Variants in CLASP1 observed in about 807,000 individuals in gnomAD.
CLASP1 encodes cytoplasmic linker associated protein 1.
A neutral mutation model predicts 192.3 loss-of-function variants in CLASP1; 38 were observed. The ratio of observed to expected loss-of-function variants is 0.20; its 90% CI spans 0.15 to 0.26. CLASP1 has a LOEUF of 0.26. CLASP1 is among the 10% of genes least tolerant of loss of function. The pLI is 1.00. For missense variants in CLASP1, 1,433 were observed against 1,932.5 expected (o/e 0.74, Z 4.85); for synonymous variants, 691 against 712.8 (o/e 0.97, Z 0.49).
chr2:121,537,171 C>T (rs1027020744), intron 2 of CLASP1, among the ~76,000 whole-genome samples: 3 of 152,102 alleles, frequency 2.0e-5, no homozygotes, highest in African/African-American at 4.8e-5. Context: ...GCAGGCAGAT[C>T]GCTTGAGCCC....
At chr2:121,431,219 T>TA (rs1198171548) in intron 19 of CLASP1, among the ~76,000 whole-genome samples, 4 of 152,028 alleles carry the variant, frequency 2.6e-5, no homozygotes, top group African/African-American at 7.2e-5. Context: ...AAGCTGGCAT[T>TA]AAAAAAATAA....
At chr2:121,579,660 C>T (rs1338549206) in intron 2 of CLASP1, among the ~76,000 whole-genome samples, 2 of 152,140 alleles carry the variant, frequency 1.3e-5, no homozygotes, top group Non-Finnish European at 2.9e-5. Context: ...TACCATTATG[C>T]ATTGAGGAAG....
chr2:121,388,584 G>C (rs1368090436), intron 30 of CLASP1, among the ~76,000 whole-genome samples: 1 of 152,198 alleles, frequency 6.6e-6, no homozygotes, highest in Non-Finnish European at 1.5e-5. Context: ...GCAAAGCAAT[G>C]AGCTGGAACA....
At chr2:121,478,932 A>C (rs1163384829) in intron 8 of CLASP1, among the ~76,000 whole-genome samples, 7 of 7,036 alleles carry the variant, frequency 9.9e-4, no homozygotes, top group African/African-American at 2.7e-3. Flanking sequence ...ACACCACACA[A>C]CACCCCCCAC....
chr2:121,413,922 A>T (rs771054097), intron 23 of CLASP1, among the ~76,000 whole-genome samples: 1 of 152,198 alleles, frequency 6.6e-6, no homozygotes, highest in Non-Finnish European at 1.5e-5. Context: ...AAATATGAAC[A>T]CTGGAGAAAC....
exon 25 of CLASP1, chr2:121,407,658 T>G (rs1363089974): frequency 6.2e-7 from 1 of 1,614,030 alleles, no homozygotes; most frequent in Non-Finnish European, 8.5e-7. Flanking sequence ...GCATCACTGT[T>G]GGCATCATCG....
At chr2:121,390,348 G>C (rs148228602) in intron 30 of CLASP1, among the ~76,000 whole-genome samples, 2 of 152,166 alleles carry the variant, frequency 1.3e-5, no homozygotes, top group Non-Finnish European at 2.9e-5. Flanking sequence ...TGTTATCTTC[G>C]TAAGAGGCAA....
chr2:121,559,748 A>G lies in CLASP1; in HGVS notation c.196-29423T>C, dbSNP rs185748102. Among the ~76,000 whole-genome samples the G allele has an allele frequency of 4.4e-3, 668 of 152,332 alleles. 1 individual carries two copies. Among genetic ancestry groups the G allele is most frequent in the Non-Finnish European group, 7.1e-3 (484 of 68,024 alleles). ...AGAGTTCCCTTTTAATACAATGAAA[A>G]TCTTCAAACACTAGACAGTGGTGAT... On this transcript the variant is annotated intron_variant, in intron 2 of 39. Transcript: ENST00000263710.
intron 23 of CLASP1, among the ~76,000 whole-genome samples, chr2:121,417,515 C>T (rs552751671): frequency 6.6e-6 from 1 of 151,822 alleles, no homozygotes; most frequent in South Asian, 2.1e-4. Flanking sequence ...ATGCTTCAGA[C>T]TGCTGTGGAA....
intron 17 of CLASP1, 89 bp downstream of exon 17, chr2:121,448,863 GT>G: frequency 7.5e-7 from 1 of 1,342,222 alleles, no homozygotes; most frequent in Admixed American, 2.2e-5. Context: ...AAGCACCCAT[GT>G]AAAAACATAG....
intron 1 of CLASP1, among the ~76,000 whole-genome samples, chr2:121,606,640 C>T (rs554432731): frequency 1.3e-5 from 2 of 152,304 alleles, no homozygotes; most frequent in South Asian, 4.1e-4. Context: ...ACACTGTTGA[C>T]CAAAGTGGCT....
intron 1 of CLASP1, among the ~76,000 whole-genome samples, chr2:121,621,117 G>A (rs1366229447): frequency 6.6e-6 from 1 of 152,004 alleles, no homozygotes; most frequent in Non-Finnish European, 1.5e-5. Flanking sequence ...CACTCGGGAG[G>A]CTAAAGTAGG....
chr2:121,592,315 C>T (rs1306052190), intron 2 of CLASP1, among the ~76,000 whole-genome samples: 4 of 152,142 alleles, frequency 2.6e-5, no homozygotes, highest in Non-Finnish European at 4.4e-5. Context: ...AGGTAGCCAT[C>T]GCTCCATTTT....
Position 121,385,513 on chromosome 2 carries a change from T to G in CLASP1, c.3374+1609A>C, listed in dbSNP as rs1345925882. ...TGACCTTGAAAAACACAATTTTTAATGACTTGAGGACCCATGGAGACTGAC... is the reference window on the plus strand; with the variant it reads ...TGACCTTGAAAAACACAATTTTTAAGGACTTGAGGACCCATGGAGACTGAC... On this transcript the variant is annotated intron_variant, in intron 32 of 39. Coordinates refer to ENST00000263710, the Ensembl canonical transcript of CLASP1. 2.6e-5 allele frequency among the ~76,000 whole-genome samples: 4 copies of G among 152,228 alleles called. No homozygotes were observed. The South Asian group carries it at 8.3e-4, about 32-fold the overall frequency.
Position 121,458,890 on chromosome 2 carries a change from C to T in CLASP1, c.1264G>A (p.Ala422Thr), listed in dbSNP as rs374728655. The T allele has an allele frequency of 3.1e-6, 5 of 1,612,438 alleles. No homozygotes were observed. The highest frequency in any genetic ancestry group is 3.3e-5 in the Admixed American group (2 of 59,824). ...ACACCAGATGTGGCCATAATTTTGG[C>T]ACTGTTTGGAATTAAATTAAAGATA... The change falls in exon 13 of 40, where the codon GCC (alanine) becomes ACC (threonine). Residue 422 changes from alanine (A) to threonine (T), a missense_variant. Around this residue, in one of 8 missense-constraint regions of CLASP1, gnomAD observed 113 missense variants for 239.5 expected, o/e 0.47. Coordinates refer to ENST00000263710, the Ensembl canonical transcript of CLASP1.
chr2:121,346,228 T>C (rs965412812), intron 39 of CLASP1, among the ~76,000 whole-genome samples: 4 of 152,224 alleles, frequency 2.6e-5, no homozygotes, highest in African/African-American at 9.6e-5. Context: ...ATGCGCTTTC[T>C]CCACAGGCAG....
rs1559371455 is a variant in CLASP1 at position 121,479,057 on chromosome 2, CA to C, written c.713-9098del. On this transcript the variant is annotated intron_variant, in intron 8 of 39. Transcript: ENST00000263710. ...CCCACACACACACACACCCCCCCCCCACACACACACACACACACCATCAACA... is the reference window on the plus strand; with the variant it reads ...CCCACACACACACACACCCCCCCCCCCACACACACACACACACCATCAACA... Among the ~76,000 whole-genome samples the C allele has an allele frequency of 2.4e-3, 198 of 82,472 alleles. 18 individuals carry two copies. Among genetic ancestry groups the C allele is most frequent in the African/African-American group, 6.4e-3 (123 of 19,078 alleles). 54.1% of individuals were successfully genotyped at this position (82,472 alleles called of 152,430 possible). A position where few individuals can be genotyped will look rare whatever the true frequency, so the allele number is the denominator to read the frequency against.
intron 30 of CLASP1, among the ~76,000 whole-genome samples, chr2:121,388,623 G>T (rs745437978): frequency 3.3e-5 from 5 of 152,210 alleles, no homozygotes; most frequent in Non-Finnish European, 1.5e-5. Flanking sequence ...CGGGCTTCTA[G>T]TAAGTGATGT....
chr2:121,428,178 A>G (rs1300775438), intron 20 of CLASP1, among the ~76,000 whole-genome samples: 1 of 152,172 alleles, frequency 6.6e-6, no homozygotes, highest in African/African-American at 2.4e-5. Context: ...CCTAATCACT[A>G]TTAGAGAAAG....
Sources: gnomAD v4.1 joint callset for allele counts (sites outside exome capture counted in the v4.1 genomes callset) on GRCh38, gnomAD v4.1.1 for gene constraint, gnomAD v4.1.1 regional missense constraint, MANE v1.5 for transcripts, NCBI Gene and HGNC (gene_info 2026-07-23, HGNC 2026-07-21) for gene names.